GNAQ: variants seen among roughly 807,000 people sequenced by gnomAD.
GNAQ encodes G protein subunit alpha q.
Under a neutral mutation model 43.9 loss-of-function variants are expected in GNAQ, and 8 were observed. The ratio of observed to expected loss-of-function variants is 0.18; its 90% CI spans 0.11 to 0.33. The LOEUF is 0.33. Ranked by LOEUF, GNAQ falls within the 10% of genes least tolerant of loss-of-function variation. The probability of loss-of-function intolerance (pLI) is 1.00; values close to 1 mark genes in which losing one functional copy is unlikely to be tolerated. For missense variants in GNAQ, 158 were observed against 450.8 expected (o/e 0.35, Z 5.88); for synonymous variants, 155 against 170.7 (o/e 0.91, Z 0.71).
chr9:77,974,145 T>C (rs575620356), intron 1 of GNAQ, among the ~76,000 whole-genome samples: 3 of 152,254 alleles, frequency 2.0e-5, no homozygotes, highest in East Asian at 1.9e-4. Flanking sequence ...GCCTGTTTTG[T>C]AGGCACAAAG....
rs10711927 is a variant in GNAQ at position 77,759,415 on chromosome 9, A to AT, written c.736-30749dup. Among the ~76,000 whole-genome samples, 9 of 151,836 alleles carry AT rather than the reference A, an allele frequency of 5.9e-5. No homozygotes were observed. The East Asian group carries it at 1.2e-3, about 20-fold the overall frequency. ...ATATCAAAATGACTTTTCATAAGGC[A>AT]TTTTTTTTCTGGAAACAAAAATGGG... On this transcript the variant is annotated intron_variant, in intron 5 of 6. Transcript: ENST00000286548.
intron 5 of GNAQ, among the ~76,000 whole-genome samples, chr9:77,744,422 A>C (rs1825699911): frequency 6.6e-6 from 1 of 152,184 alleles, no homozygotes; most frequent in African/African-American, 2.4e-5. Context: ...GGCACTTATA[A>C]CTATATTCTT....
intron 2 of GNAQ, among the ~76,000 whole-genome samples, chr9:77,822,472 T>TG (rs552025363): frequency 7.9e-5 from 12 of 152,314 alleles, no homozygotes; most frequent in African/African-American, 2.6e-4. Flanking sequence ...GTAATGTCTG[T>TG]GCTCCTACAA....
chr9:77,915,587 T>G (rs1328949446), intron 2 of GNAQ, among the ~76,000 whole-genome samples: 2 of 151,186 alleles, frequency 1.3e-5, no homozygotes, highest in Non-Finnish European at 2.9e-5. Flanking sequence ...ATCCCATTAC[T>G]ATTTGTCACA....
chr9:77,790,304 G>A (rs902783763), intron 5 of GNAQ, among the ~76,000 whole-genome samples: 3 of 152,010 alleles, frequency 2.0e-5, no homozygotes, highest in African/African-American at 4.8e-5. Context: ...GGTTTTCCCC[G>A]CAAAGCTGAA....
chr9:77,774,403 T>A (rs1231929348), intron 5 of GNAQ, among the ~76,000 whole-genome samples: 1 of 152,190 alleles, frequency 6.6e-6, no homozygotes, highest in Admixed American at 6.5e-5. Context: ...CTGCATCTTA[T>A]CTTTCTGAAA....
At chr9:77,929,152 A>C (rs1162248959) in intron 1 of GNAQ, among the ~76,000 whole-genome samples, 1 of 152,224 alleles carries the variant, frequency 6.6e-6, no homozygotes, top group Non-Finnish European at 1.5e-5. Flanking sequence ...TTGTTCAGCA[A>C]GTTACTTTGA....
At chr9:77,761,062 T>C (rs1323415169) in intron 5 of GNAQ, among the ~76,000 whole-genome samples, 1 of 151,754 alleles carries the variant, frequency 6.6e-6, no homozygotes, top group African/African-American at 2.4e-5. Flanking sequence ...AGCCACCCCA[T>C]CTGGGAAGTG....
chr9:77,938,886 C>CA (rs755963024), intron 1 of GNAQ, among the ~76,000 whole-genome samples: 1 of 152,170 alleles, frequency 6.6e-6, no homozygotes, highest in Non-Finnish European at 1.5e-5. Flanking sequence ...AAGCAGGAGA[C>CA]AAAATCATCT....
chr9:77,766,451 A>T (rs1826137796), intron 5 of GNAQ, among the ~76,000 whole-genome samples: 1 of 152,246 alleles, frequency 6.6e-6, no homozygotes. Flanking sequence ...TTAAGAATCC[A>T]GGAGAAAGAA....
chr9:77,823,684 G>T (rs1827149298), intron 2 of GNAQ, among the ~76,000 whole-genome samples: 1 of 152,174 alleles, frequency 6.6e-6, no homozygotes. Context: ...GAGAGACAGA[G>T]AAGCGGGAGG....
chr9:77,968,209 AT>A (rs902413542), intron 1 of GNAQ, among the ~76,000 whole-genome samples: 35 of 151,842 alleles, frequency 2.3e-4, no homozygotes, highest in African/African-American at 8.0e-4. Flanking sequence ...TATATGTCAA[AT>A]TTTTTTTTAA....
chr9:77,821,628 C>T lies in GNAQ; in HGVS notation c.322-5858G>A, dbSNP rs79248147. The stretch of plus-strand genomic sequence containing the variant: ...ATTCCATTACAAAGAACACTGCCTT[C>T]AGGTCTATAAAATCTTGGGGTACAA... On this transcript the variant is annotated intron_variant, in intron 2 of 6. Coordinates refer to ENST00000286548, the MANE Select transcript of GNAQ (RefSeq NM_002072.5). Among the ~76,000 whole-genome samples, 427 of 151,922 alleles carry T rather than the reference C, an allele frequency of 2.8e-3. 2 individuals are homozygous for T. The highest frequency in any genetic ancestry group is 9.6e-3 in the African/African-American group (396 of 41,432).
intron 1 of GNAQ, among the ~76,000 whole-genome samples, chr9:77,955,358 G>C (rs1359176376): frequency 2.6e-5 from 4 of 152,050 alleles, no homozygotes; most frequent in African/African-American, 7.2e-5. Flanking sequence ...GGCCAGGCTG[G>C]TTTTGAACTC....
At chr9:77,760,286 C>T (rs1289109734) in intron 5 of GNAQ, among the ~76,000 whole-genome samples, 4 of 151,566 alleles carry the variant, frequency 2.6e-5, no homozygotes, top group Admixed American at 1.3e-4. Context: ...GCTGCCATCT[C>T]GGCTCACTGC....
chr9:78,008,785 A>AT (rs1823738577), intron 1 of GNAQ, among the ~76,000 whole-genome samples: 1 of 152,096 alleles, frequency 6.6e-6, no homozygotes, highest in South Asian at 2.1e-4. Flanking sequence ...CAGCCACCTA[A>AT]TTTTTTGTAT....
At chr9:77,820,811 C>G (rs1564120632) in intron 2 of GNAQ, among the ~76,000 whole-genome samples, 1 of 152,178 alleles carries the variant, frequency 6.6e-6, no homozygotes, top group African/African-American at 2.4e-5. Flanking sequence ...TGTCTTTAGA[C>G]AAGTCACTCA....
chr9:77,983,901 G>A (rs538324921), intron 1 of GNAQ, among the ~76,000 whole-genome samples: 3 of 151,890 alleles, frequency 2.0e-5, no homozygotes, highest in African/African-American at 4.8e-5. Context: ...AAGATTTACC[G>A]AGATCCTACT....
At chr9:77,945,744 A>G in intron 1 of GNAQ, among the ~76,000 whole-genome samples, 1 of 152,214 alleles carries the variant, frequency 6.6e-6, no homozygotes, top group Non-Finnish European at 1.5e-5. Flanking sequence ...AGGAGCATTA[A>G]GACCTATTAA....
Sources: gnomAD v4.1 joint callset for allele counts (sites outside exome capture counted in the v4.1 genomes callset) on GRCh38, gnomAD v4.1.1 for gene constraint, MANE v1.5 for transcripts, NCBI Gene and HGNC (gene_info 2026-07-23, HGNC 2026-07-21) for gene names.